Variants in CFAP97D2 observed in about 807,000 individuals in gnomAD.
CFAP97D2 encodes the protein CFAP97 domain containing 2, also known as uncharacterized protein CFAP97D2.
rs1594519958 is a variant in CFAP97D2, at chr13:114,207,167, C to T, written c.291-4745C>T. 6.6e-6 allele frequency among the ~76,000 whole-genome samples: 1 copy of T among 152,338 alleles called. No individual in the cohort carries two copies. The highest frequency in any genetic ancestry group is 2.1e-4 in the South Asian group (1 of 4,824). On this transcript the variant is annotated intron_variant, in intron 3 of 4. Transcript: ENST00000646158. This position sits in a 1 kb window ranked among gnomAD's most constrained non-coding sequence, Gnocchi z 4.9. Reference sequence around the variant, plus strand: ...CTGAGCCCCATCTGCTCCCCTGCCGCTGCAAGGGCAGCACCATGCAGGGCA... The same window carrying T: ...CTGAGCCCCATCTGCTCCCCTGCCGTTGCAAGGGCAGCACCATGCAGGGCA...
At chr13:114,212,294 C>A (rs377385715) in intron 4 of CFAP97D2, 2 of 388,682 alleles carry the variant, frequency 5.1e-6, no homozygotes, top group East Asian at 3.6e-5. Context: ...CAGCTGATGA[C>A]CTCACCCACC....
intron 2 of CFAP97D2, among the ~76,000 whole-genome samples, chr13:114,198,976 C>T (rs1291969183): frequency 2.4e-5 from 1 of 41,922 alleles, no homozygotes; most frequent in Non-Finnish European, 3.8e-5. Context: ...GGTACGGTCC[C>T]CACTGAGGCG....
intron 1 of CFAP97D2, among the ~76,000 whole-genome samples, chr13:114,180,194 A>T (rs2080827351): frequency 6.6e-6 from 1 of 151,994 alleles, no homozygotes; most frequent in Non-Finnish European, 1.5e-5. Context: ...GGCTGGAAAT[A>T]CTCTTAAGAA....
At chr13:114,205,009 G>C (rs746424718) in intron 3 of CFAP97D2, among the ~76,000 whole-genome samples, 34 of 152,176 alleles carry the variant, frequency 2.2e-4, no homozygotes, top group Non-Finnish European at 4.7e-4. Flanking sequence ...AAGATGGGCA[G>C]AAGATCTGAA....
At chr13:114,214,461 C>T (rs2080984759) in intron 4 of CFAP97D2, among the ~76,000 whole-genome samples, 1 of 152,166 alleles carries the variant, frequency 6.6e-6, no homozygotes, top group South Asian at 2.1e-4. Flanking sequence ...AAATGTCAAA[C>T]AGTATAGAGG....
chr13:114,213,562 C>G (rs1189166265), intron 4 of CFAP97D2, among the ~76,000 whole-genome samples: 1 of 148,256 alleles, frequency 6.7e-6, no homozygotes, highest in East Asian at 2.1e-4. Context: ...AACCCCACCC[C>G]TATGGAAACT....
rs2080861903 is a variant in CFAP97D2, at chr13:114,189,470, C to T, written c.91-6926C>T. 6.6e-6 allele frequency among the ~76,000 whole-genome samples: 1 copy of T among 152,206 alleles called. No homozygotes were observed. The highest frequency in any genetic ancestry group is 2.4e-5 in the African/African-American group (1 of 41,442). On this transcript the variant is annotated intron_variant, in intron 1 of 4. Coordinates refer to ENST00000646158, the Ensembl canonical transcript of CFAP97D2. The surrounding 1 kb of genome is among the most constrained non-coding windows in gnomAD (Gnocchi z 4.5). ...AGGACTGAAGCAGTGGGAATACCTC[C>T]TGTATGTATTCTGTGAAGCAGCACT...
rs2081024504 is a variant in CFAP97D2 at position 114,222,001 on chromosome 13, A to G, written c.481-497A>G. Reference sequence around the variant, plus strand: ...TGAACAGATAAAACGTGGTATAGCCATAGAATGGAATATTATTCTACCATA... The same window carrying G: ...TGAACAGATAAAACGTGGTATAGCCGTAGAATGGAATATTATTCTACCATA... On this transcript the variant is annotated intron_variant, in intron 4 of 4. Coordinates refer to ENST00000646158, the Ensembl canonical transcript of CFAP97D2. The surrounding 1 kb of genome is among the most constrained non-coding windows in gnomAD (Gnocchi z 4.4). 1.3e-5 allele frequency among the ~76,000 whole-genome samples: 2 copies of G among 152,268 alleles called. No homozygotes were observed. Among genetic ancestry groups the G allele is most frequent in the African/African-American group, 4.8e-5 (2 of 41,478 alleles).
chr13:114,182,116 CA>C (rs1289545332), intron 1 of CFAP97D2, among the ~76,000 whole-genome samples: 3 of 150,272 alleles, frequency 2.0e-5, no homozygotes, highest in Non-Finnish European at 4.4e-5. Flanking sequence ...ATTATTTCAG[CA>C]AAAAGGAAAG....
intron 4 of CFAP97D2, chr13:114,214,293 G>T (rs892067770): frequency 6.6e-6 from 1 of 152,194 alleles, no homozygotes; most frequent in East Asian, 1.9e-4. Flanking sequence ...AAGTACCTGT[G>T]CAAAGACGCA....
In CFAP97D2 at chr13:114,211,981, A is replaced by G. The variant is rs2080968321; in HGVS notation, c.360A>G (p.Glu120=). ...AGAAAACACGGCCATTCTGGAAGGA[A>G]TCACACACTCAGAACCATGGTATGG... is the stretch of plus-strand genomic sequence containing the variant. Residue 120 remains glutamate, a synonymous_variant, in exon 4 of 5, where the codon GAA becomes GAG. Coordinates refer to ENST00000646158, the Ensembl canonical transcript of CFAP97D2. This position sits in a 1 kb window ranked among gnomAD's most constrained non-coding sequence, Gnocchi z 4.2. 2 of 398,814 alleles carry G rather than the reference A, an allele frequency of 5.0e-6. No homozygotes were observed. Among genetic ancestry groups the G allele is most frequent in the Non-Finnish European group, 4.4e-6 (1 of 226,192 alleles). The allele number at this position is 398,814 out of a possible 1,614,324, so 24.7% of individuals were successfully genotyped here. A position where few individuals can be genotyped will look rare whatever the true frequency, so the allele number is the denominator to read the frequency against.
At chr13:114,217,198 T>G (rs2080997776) in intron 4 of CFAP97D2, among the ~76,000 whole-genome samples, 1 of 152,122 alleles carries the variant, frequency 6.6e-6, no homozygotes. Flanking sequence ...AAAGGGGATA[T>G]CACCACTGAT....
intron 1 of CFAP97D2, among the ~76,000 whole-genome samples, chr13:114,194,033 G>A (rs150577130): frequency 0.011 from 1,742 of 152,300 alleles, 95 homozygotes; most frequent in Admixed American, 0.08. Context: ...AGTCACCTTT[G>A]GAAGGTACTA....
At chr13:114,190,621 C>A (rs771400816) in intron 1 of CFAP97D2, among the ~76,000 whole-genome samples, 13 of 152,110 alleles carry the variant, frequency 8.5e-5, no homozygotes, top group Non-Finnish European at 1.6e-4. Flanking sequence ...AACTACAAAA[C>A]TCTGATAAAT....
rs2080869292 is a variant in CFAP97D2 at position 114,191,478 on chromosome 13, C to T, written c.91-4918C>T. ...AGGCCAAAGACCTTAGCAGACACCT[C>T]ACCAAAGAAAATATATAGGTGGCAA... On this transcript the variant is annotated intron_variant, in intron 1 of 4. Transcript: ENST00000646158. Among the ~76,000 whole-genome samples the T allele has an allele frequency of 2.0e-5, 3 of 152,200 alleles. No homozygotes were observed. The South Asian group carries it at 6.2e-4, about 32-fold the overall frequency.
At position 114,179,465 on chromosome 13, in the gene CFAP97D2, A is replaced by G. The variant is rs964632765; in HGVS notation, c.90+45A>G. The stretch of plus-strand genomic sequence containing the variant: ...AGCCCTGACAGCTCAGCGGGCGGGC[A>G]CCAAGCAGCGCCCACGAAATGCCTC... On this transcript the variant is annotated intron_variant, in intron 1 of 4. Transcript: ENST00000646158. This position sits in a 1 kb window ranked among gnomAD's most constrained non-coding sequence, Gnocchi z 4.8. 5.0e-6 allele frequency: 2 copies of G among 398,462 alleles called. No individual in the cohort carries two copies. Among genetic ancestry groups the G allele is most frequent in the Non-Finnish European group, 8.8e-6 (2 of 226,032 alleles). The allele number at this position is 398,462 out of a possible 1,614,324, so 24.7% of individuals were successfully genotyped here. A position where few individuals can be genotyped will look rare whatever the true frequency, so the allele number is the denominator to read the frequency against.
downstream of CFAP97D2, chr13:114,222,562 G>GATTCAGA (rs60378829): frequency 0.049 from 19,677 of 398,508 alleles, 912 homozygotes; most frequent in African/African-American, 0.13. This position sits in a 1 kb window ranked among gnomAD's most constrained non-coding sequence, Gnocchi z 4.4. Context: ...AAGTGAGGAA[G>GATTCAGA]GGTAAGGATT....
chr13:114,199,449 G>A lies in CFAP97D2; in HGVS notation c.172-876G>A, dbSNP rs1486183897. ...CGTCCCCGTGGGTACGGTCCCCACT[G>A]AGGCGTGACGGCGCTTCCCCGTGGG... On this transcript the variant is annotated intron_variant, in intron 2 of 4. Coordinates refer to ENST00000646158, the Ensembl canonical transcript of CFAP97D2. Among the ~76,000 whole-genome samples the A allele has an allele frequency of 6.8e-4, 11 of 16,150 alleles. 1 individual carries two copies. Among genetic ancestry groups the A allele is most frequent in the Admixed American group, 1.6e-3 (4 of 2,456 alleles). The allele number at this position is 16,150 out of a possible 152,430, so 10.6% of individuals were successfully genotyped here.
intron 3 of CFAP97D2, among the ~76,000 whole-genome samples, chr13:114,202,701 C>T (rs540913675): frequency 6.6e-6 from 1 of 152,310 alleles, no homozygotes; most frequent in South Asian, 2.1e-4. Flanking sequence ...GAGACTAAAT[C>T]CCAGGTGAGT....
Sources: gnomAD v4.1 joint callset for allele counts (sites outside exome capture counted in the v4.1 genomes callset) on GRCh38, gnomAD v4.1.1 for gene constraint, Gnocchi (gnomAD v3.1) non-coding constraint, MANE v1.5 for transcripts, NCBI Gene and HGNC (gene_info 2026-07-23, HGNC 2026-07-21) for gene names.